SARM1: variants seen among roughly 807,000 people sequenced by gnomAD.
The protein encoded by SARM1 is sterile alpha and TIR motif containing 1.
SARM1 carries 60 observed loss-of-function variants against 65.1 expected under a neutral mutation model. The observed-to-expected ratio is 0.92, with a 90% CI of 0.75 to 1.14. The LOEUF is 1.14. Ranked by LOEUF, SARM1 falls within the 50% of genes most tolerant of loss-of-function variation. The probability of loss-of-function intolerance (pLI) is 0.00; values close to 1 mark genes in which losing one functional copy is unlikely to be tolerated. For missense variants in SARM1, 913 were observed against 1,015.7 expected, an observed-to-expected ratio of 0.90 and a Z score of 1.37; for synonymous variants, 417 against 465.4, an observed-to-expected ratio of 0.90 and a Z score of 1.34.
At chr17:28,386,598 T>C (rs1303591688) in intron 5 of SARM1, 4 of 152,184 alleles carry the variant, frequency 2.6e-5, no homozygotes, top group Non-Finnish European at 4.4e-5. Flanking sequence ...CATTTTATCC[T>C]TTCATTCAGC....
intron 7 of SARM1, among the ~76,000 whole-genome samples, chr17:28,392,005 G>A (rs1452545256): frequency 1.3e-5 from 2 of 151,952 alleles, no homozygotes; most frequent in African/African-American, 4.8e-5. Flanking sequence ...GGGATTAGAG[G>A]CATGAGCCAC....
rs372717860 is a variant in SARM1, at chr17:28,399,760, C to A, written c.*3474C>A. 29 of 1,603,478 alleles carry A rather than the reference C, an allele frequency of 1.8e-5. No individual in the cohort carries two copies. Among genetic ancestry groups the A allele is most frequent in the Non-Finnish European group, 2.3e-5 (27 of 1,170,488 alleles). On this transcript the variant is annotated 3_prime_UTR_variant, in exon 9 of 9. Coordinates refer to ENST00000585482, the MANE Select transcript of SARM1 (RefSeq NM_015077.4). ...GTTTGGATTTCATGTGGGGAACCCT[C>A]AAGGCCTGTCTGGAGAAGTGACACA...
Position 28,401,326 on chromosome 17 carries a change from G to C in SARM1, c.*5040G>C, listed in dbSNP as rs1555589606. 1 of 160,288 alleles carries C rather than the reference G, an allele frequency of 6.2e-6. No homozygotes were observed. The highest frequency in any genetic ancestry group is 2.4e-5 in the African/African-American group (1 of 41,520). The allele number at this position is 160,288 out of a possible 1,614,324, so 9.9% of individuals were successfully genotyped here. A position where few individuals can be genotyped will look rare whatever the true frequency, so the allele number is the denominator to read the frequency against. ...TGGAAGTAGCTAGTTAGTAAGGGCTGTTCTTTTCTCCTGTTTCTCTTGACA... is the reference window on the plus strand; with the variant it reads ...TGGAAGTAGCTAGTTAGTAAGGGCTCTTCTTTTCTCCTGTTTCTCTTGACA... On this transcript the variant is annotated 3_prime_UTR_variant, in exon 9 of 9. Coordinates refer to ENST00000585482, the MANE Select transcript of SARM1 (RefSeq NM_015077.4).
rs2068191045 is a variant in SARM1 at position 28,400,995 on chromosome 17, A to G, written c.*4709A>G. The G allele has an allele frequency of 3.6e-6, 2 of 549,168 alleles. No individual in the cohort carries two copies. Among genetic ancestry groups the G allele is most frequent in the Non-Finnish European group, 6.6e-6 (2 of 304,702 alleles). The allele number at this position is 549,168 out of a possible 1,614,324, so 34.0% of individuals were successfully genotyped here. On this transcript the variant is annotated 3_prime_UTR_variant, in exon 9 of 9. Transcript: ENST00000585482. ...AACAAATGGCTGCTATTAAATCCAC[A>G]TTAAAAGTACATGTGATCTGACAGA...
Position 28,399,714 on chromosome 17 carries a change from CT to C in SARM1, c.*3429del. ...GTGAGGATCAGCCTTTTCCAGCATC[CT>C]GTGAGAGACCAGAGAGAGAGTTTGG... On this transcript the variant is annotated 3_prime_UTR_variant, in exon 9 of 9. Transcript: ENST00000585482. The C allele has an allele frequency of 6.2e-7, 1 of 1,613,912 alleles. No individual in the cohort carries two copies. The highest frequency in any genetic ancestry group is 8.5e-7 in the Non-Finnish European group (1 of 1,179,872).
intron 2 of SARM1, 109 bp downstream of exon 2, chr17:28,381,930 T>A: frequency 7.7e-7 from 1 of 1,294,484 alleles, no homozygotes; most frequent in Non-Finnish European, 9.9e-7. Context: ...CAGAATTAGA[T>A]GAAGCAAGAC....
In SARM1 at chr17:28,384,771, T is replaced by C. The variant is rs377202729; in HGVS notation, c.1303-68T>C. On this transcript the variant is annotated intron_variant, in intron 3 of 8. Transcript: ENST00000585482. The surrounding 1 kb of genome is among the most constrained non-coding windows in gnomAD (Gnocchi z 4.4). ...CCACGCCATCTCCAGTTCCTTCCCT[T>C]GCATCTTGTGCTCGAGGTCCAAGGG... The C allele has an allele frequency of 8.4e-6, 12 of 1,425,610 alleles. No individual in the cohort carries two copies. In the African/African-American group the frequency reaches 1.3e-4, roughly 15 times the overall value. 88.3% of individuals were successfully genotyped at this position (1,425,610 alleles called of 1,614,324 possible).
intron 5 of SARM1, chr17:28,386,627 C>CG (rs1421502837): frequency 6.6e-6 from 1 of 152,192 alleles, no homozygotes; most frequent in Non-Finnish European, 1.5e-5. Context: ...ACTAAGCACC[C>CG]ACAAGACACA....
chr17:28,375,263 G>A (rs1177231312), intron 1 of SARM1, among the ~76,000 whole-genome samples: 3 of 152,148 alleles, frequency 2.0e-5, no homozygotes, highest in Non-Finnish European at 4.4e-5. Context: ...GGCTTTCCCA[G>A]GAATATTCAA....
At position 28,384,488 on chromosome 17, in the gene SARM1, C is replaced by T; in HGVS notation, c.1221C>T (p.Pro407=). The part of the protein sequence containing the change: ...LGEEVPRPIL[P]SVPSWKEAEV... ...AGGAGGTGCCACGGCCCATCCTGCC[C>T]TCCGTGCCCAGCTGGAAGGAGGCCG... Residue 407 remains proline, a synonymous_variant, in exon 3 of 9, where the codon CCC becomes CCT. Transcript: ENST00000585482. The surrounding 1 kb of genome is among the most constrained non-coding windows in gnomAD (Gnocchi z 4.4). 1 of 1,613,742 alleles carries T rather than the reference C, an allele frequency of 6.2e-7. No individual in the cohort carries two copies. The highest frequency in any genetic ancestry group is 8.5e-7 in the Non-Finnish European group (1 of 1,179,760).
rs1304077170 is a variant in SARM1, at chr17:28,385,211, G to A, written c.1566G>A (p.Gln522=). 1.6e-5 allele frequency: 25 copies of A among 1,601,988 alleles called. No individual in the cohort carries two copies. Among genetic ancestry groups the A allele is most frequent in the Non-Finnish European group, 2.0e-5 (23 of 1,176,880 alleles). ...RSLLHRVSEQ[Q]LLEDCGIHLG... The stretch of plus-strand genomic sequence containing the variant: ...TGCTGCACCGCGTGTCTGAGCAGCA[G>A]CTGCTGGAAGACTGCGGCATCCACC... Residue 522 remains glutamine, a synonymous_variant, in exon 5 of 9, where the codon CAG becomes CAA. Transcript: ENST00000585482. The surrounding 1 kb of genome is among the most constrained non-coding windows in gnomAD (Gnocchi z 4.5).
chr17:28,381,637 C>A lies in SARM1; in HGVS notation c.905C>A (p.Ser302Ter). 1 of 1,563,748 alleles carries A rather than the reference C, an allele frequency of 6.4e-7. No homozygotes were observed. The highest frequency in any genetic ancestry group is 8.7e-7 in the Non-Finnish European group (1 of 1,155,610). Reference sequence around the variant, plus strand: ...GCGCTCGTGGAGCCGCTTGTGGCCTCGCTGGACCCTGGCCGCTTCGCCCGC... The same window carrying A: ...GCGCTCGTGGAGCCGCTTGTGGCCTAGCTGGACCCTGGCCGCTTCGCCCGC... ...TLALVEPLVASLDPGRFARCL... is the reference protein window; with the variant it reads ...TLALVEPLVA Residue 302 changes from serine to a stop codon, truncating the protein, a stop_gained, in exon 2 of 9, where the codon TCG (serine) becomes TAG (stop). Transcript: ENST00000585482. LOFTEE classifies it high-confidence loss of function.
Position 28,401,040 on chromosome 17 carries a change from A to AC in SARM1, c.*4754_*4755insC, listed in dbSNP as rs1255923445. 1 of 441,702 alleles carries AC rather than the reference A, an allele frequency of 2.3e-6. No homozygotes were observed. The highest frequency in any genetic ancestry group is 4.2e-6 in the Non-Finnish European group (1 of 238,046). 27.4% of individuals were successfully genotyped at this position (441,702 alleles called of 1,614,324 possible). Reference sequence around the variant, plus strand: ...GACAGAACCCAGCACATAAAAGAAAAAAAAAGTACATGTGATATTGTCTGA... The same window carrying AC: ...GACAGAACCCAGCACATAAAAGAAAACAAAAAGTACATGTGATATTGTCTGA... On this transcript the variant is annotated 3_prime_UTR_variant, in exon 9 of 9. Coordinates refer to ENST00000585482, the MANE Select transcript of SARM1 (RefSeq NM_015077.4).
chr17:28,374,281 C>CAAAAAAA (rs10607992), intron 1 of SARM1: 1 of 78,988 alleles, frequency 1.3e-5, no homozygotes, highest in Non-Finnish European at 2.5e-5. Context: ...AGACTCGTCT[C>CAAAAAAA]AAAAAAAAAA....
rs1555584146 is a variant in SARM1, at chr17:28,372,196, CG to C, written c.169del (p.Ala57GlnfsTer23). On this transcript the variant is annotated frameshift_variant, in exon 1 of 9. Coordinates refer to ENST00000585482, the MANE Select transcript of SARM1 (RefSeq NM_015077.4). LOFTEE classifies it high-confidence loss of function. This position sits in a 1 kb window ranked among gnomAD's most constrained non-coding sequence, Gnocchi z 5.2. ...AGGRGPREVS[P>X]GAGTEVQDAL... ...GGCCGCGGGCCCCGCGAAGTGTCGCCGGGGGCAGGCACCGAGGTGCAGGACG... is the reference window on the plus strand; with the variant it reads ...GGCCGCGGGCCCCGCGAAGTGTCGCCGGGGCAGGCACCGAGGTGCAGGACG... 5 of 1,366,572 alleles carry C rather than the reference CG, an allele frequency of 3.7e-6. No homozygotes were observed. The highest frequency in any genetic ancestry group is 3.8e-5 in the Admixed American group (1 of 26,328). 84.7% of individuals were successfully genotyped at this position (1,366,572 alleles called of 1,614,324 possible).
intron 5 of SARM1, among the ~76,000 whole-genome samples, chr17:28,387,221 C>CTTTT (rs1555586126): frequency 6.7e-6 from 1 of 149,990 alleles, no homozygotes; most frequent in Non-Finnish European, 1.5e-5. Context: ...CAATTCTTTT[C>CTTTT]TTTTCTTTTC....
intron 5 of SARM1, among the ~76,000 whole-genome samples, chr17:28,387,227 T>TTTTCG (rs2142433307): frequency 6.6e-6 from 1 of 151,676 alleles, no homozygotes; most frequent in South Asian, 2.1e-4. Context: ...TTTTCTTTTC[T>TTTTCG]TTTCTTTTCT....
Position 28,402,444 on chromosome 17 carries a change from T to C in SARM1, c.*6158T>C. ...TAGGTTAGACCCAGGAAGAACTTCCTTGATGGTGAGGGTGGGAAGACAGTA... is the reference window on the plus strand; with the variant it reads ...TAGGTTAGACCCAGGAAGAACTTCCCTGATGGTGAGGGTGGGAAGACAGTA... On this transcript the variant is annotated 3_prime_UTR_variant, in exon 9 of 9. Transcript: ENST00000585482. The C allele has an allele frequency of 1.3e-6, 1 of 767,540 alleles. No individual in the cohort carries two copies. 47.5% of individuals were successfully genotyped at this position (767,540 alleles called of 1,614,324 possible).
Position 28,399,572 on chromosome 17 carries a change from G to T in SARM1, c.*3286G>T. Reference sequence around the variant, plus strand: ...TTAGACAAGAGTTGCTTGTCCTGCTGTGGGCTGGGCTTCCAGCTGCAGACC... The same window carrying T: ...TTAGACAAGAGTTGCTTGTCCTGCTTTGGGCTGGGCTTCCAGCTGCAGACC... On this transcript the variant is annotated 3_prime_UTR_variant, in exon 9 of 9. Transcript: ENST00000585482. 1 of 1,429,400 alleles carries T rather than the reference G, an allele frequency of 7.0e-7. No individual in the cohort carries two copies. The highest frequency in any genetic ancestry group is 9.8e-7 in the Non-Finnish European group (1 of 1,017,064). The allele number at this position is 1,429,400 out of a possible 1,614,324, so 88.5% of individuals were successfully genotyped here.
Sources: allele counts gnomAD v4.1 joint callset (sites outside exome capture counted in the v4.1 genomes callset), GRCh38; gene constraint gnomAD v4.1.1; non-coding constraint Gnocchi (gnomAD v3.1); transcripts MANE v1.5; gene names NCBI Gene and HGNC (gene_info 2026-07-23, HGNC 2026-07-21).